TMC3: variants seen among roughly 807,000 people sequenced by gnomAD.
The protein encoded by TMC3 is transmembrane channel-like protein 3.
Under a neutral mutation model 110.6 loss-of-function variants are expected in TMC3, and 98 were observed. The ratio of observed to expected loss-of-function variants is 0.89; its 90% CI spans 0.75 to 1.05. TMC3 has a LOEUF of 1.05. Among genes scored for constraint, TMC3 ranks in the 50% least tolerant of loss-of-function variants. The pLI is 0.00. For synonymous variants in TMC3, 489 were observed against 513.1 expected (o/e 0.95, Z 0.63); for missense variants, 1,319 against 1,373.2 (o/e 0.96, Z 0.62).
At chr15:81,338,922 G>A in intron 17 of TMC3, 142 bp from the exon 18 acceptor site, 1 of 891,778 alleles carries the variant, frequency 1.1e-6, no homozygotes, top group Admixed American at 2.2e-5. Context: ...ATGGAGGATG[G>A]AAGATGGGGT....
At chr15:81,363,832 C>A (rs1313295868) in intron 3 of TMC3, among the ~76,000 whole-genome samples, 2 of 152,258 alleles carry the variant, frequency 1.3e-5, no homozygotes, top group East Asian at 3.9e-4. Flanking sequence ...CATTTATTCC[C>A]CCAGTATCCC....
At chr15:81,363,914 A>G (rs1244237619) in intron 3 of TMC3, among the ~76,000 whole-genome samples, 2 of 152,194 alleles carry the variant, frequency 1.3e-5, no homozygotes, top group African/African-American at 2.4e-5. Context: ...GGCCCGTTTT[A>G]AAGCCCTGAA....
Position 81,332,870 on chromosome 15 carries a change from C to T in TMC3, c.2852G>A (p.Arg951Lys), listed in dbSNP as rs1315969653. Residue 951 changes from arginine (R) to lysine (K), a missense_variant, in exon 22 of 22, where the codon AGA becomes AAA. Coordinates refer to ENST00000359440, the MANE Select transcript of TMC3 (RefSeq NM_001080532.3). ...GGGAAGAGACCGTTTGATCCAATCT[C>T]TGCTTGGCGTCTCCTCCTCTTCTTC... ...LSEEEEETPS[R>K]DWIKRSLPPR... 6.2e-7 allele frequency: 1 copy of T among 1,613,370 alleles called. No homozygotes were observed. Among genetic ancestry groups the T allele is most frequent in the Non-Finnish European group, 8.5e-7 (1 of 1,179,892 alleles).
chr15:81,344,122 T>A, intron 13 of TMC3, 77 bp from the exon 14 acceptor site: 2 of 1,505,454 alleles, frequency 1.3e-6, no homozygotes, highest in East Asian at 2.4e-5. Context: ...GTGCTCCTAA[T>A]CTCTGTTCAT....
At chr15:81,361,530 AT>A (rs201803343) in intron 4 of TMC3, among the ~76,000 whole-genome samples, 1 of 151,940 alleles carries the variant, frequency 6.6e-6, no homozygotes, top group African/African-American at 2.4e-5. Flanking sequence ...CTTCTTTATA[AT>A]TTTTTTATTA....
chr15:81,336,579 A>C, intron 20 of TMC3, 30 bp downstream of exon 20: 1 of 1,612,022 alleles, frequency 6.2e-7, no homozygotes, highest in Non-Finnish European at 8.5e-7. Context: ...AAACAAAAAA[A>C]CAACAACAAA....
intron 11 of TMC3, among the ~76,000 whole-genome samples, chr15:81,347,114 A>T (rs1464675829): frequency 6.6e-6 from 1 of 152,202 alleles, no homozygotes; most frequent in Non-Finnish European, 1.5e-5. Context: ...TTTTGGAAAC[A>T]CATCATGGAA....
At chr15:81,339,631 G>C (rs186489802) in intron 16 of TMC3, 127 bp from the exon 17 acceptor site, 47 of 698,044 alleles carry the variant, frequency 6.7e-5, no homozygotes, top group African/African-American at 6.1e-4. Context: ...CCTCCTCTCA[G>C]GGTTACCTAC....
At chr15:81,338,022 C>T in intron 18 of TMC3, 98 bp from the exon 19 acceptor site, 1 of 959,052 alleles carries the variant, frequency 1.0e-6, no homozygotes. Flanking sequence ...ATGAGAGGCT[C>T]CCAGGCCAGA....
chr15:81,339,652 G>T, intron 16 of TMC3, 148 bp from the exon 17 acceptor site: 1 of 643,630 alleles, frequency 1.6e-6, no homozygotes, highest in South Asian at 1.8e-5. Context: ...AAATGGATCT[G>T]TCATAGGGTC....
intron 17 of TMC3, 99 bp downstream of exon 17, chr15:81,339,295 T>G: frequency 1.1e-6 from 1 of 936,902 alleles, no homozygotes; most frequent in Non-Finnish European, 1.7e-6. Flanking sequence ...TTCTATCCTG[T>G]TTACCTGCTC....
At chr15:81,336,796 T>C (rs1053508905) in intron 19 of TMC3, 145 bp from the exon 20 acceptor site, 170 of 825,510 alleles carry the variant, frequency 2.1e-4, no homozygotes, top group Middle Eastern at 2.4e-4. Flanking sequence ...CTATGGACGG[T>C]ATGCTCTGGG....
At chr15:81,339,905 T>C (rs1487342746) in intron 16 of TMC3, among the ~76,000 whole-genome samples, 1 of 152,238 alleles carries the variant, frequency 6.6e-6, no homozygotes, top group African/African-American at 2.4e-5. Context: ...AGGCTTGAAC[T>C]TGTCTCTTAC....
Position 81,349,297 on chromosome 15 carries a change from T to C in TMC3, c.1193+161A>G, listed in dbSNP as rs1179806409. On this transcript the variant is annotated intron_variant, in intron 11 of 21. Coordinates refer to ENST00000359440, the MANE Select transcript of TMC3 (RefSeq NM_001080532.3). Reference sequence around the variant, plus strand: ...CCCCTGCCTCCTCCCCTATCCCTCCTCTTGGGTTATGCTTTTCTTGAGTTG... The same window carrying C: ...CCCCTGCCTCCTCCCCTATCCCTCCCCTTGGGTTATGCTTTTCTTGAGTTG... Among the ~76,000 whole-genome samples, 4 of 151,896 alleles carry C rather than the reference T, an allele frequency of 2.6e-5. No individual in the cohort carries two copies. In the East Asian group the frequency reaches 7.8e-4, roughly 30 times the overall value.
chr15:81,353,312 TTTA>T (rs1893991997), intron 9 of TMC3, among the ~76,000 whole-genome samples: 1 of 152,246 alleles, frequency 6.6e-6, no homozygotes, highest in African/African-American at 2.4e-5. Flanking sequence ...CTAAGATTAA[TTTA>T]TTATTAAAGA....
chr15:81,364,868 A>C (rs2141422456), intron 3 of TMC3, among the ~76,000 whole-genome samples: 1 of 151,776 alleles, frequency 6.6e-6, no homozygotes, highest in East Asian at 1.9e-4. Flanking sequence ...CATATATAGG[A>C]ATATGCTGAT....
intron 3 of TMC3, among the ~76,000 whole-genome samples, chr15:81,364,708 A>AT (rs1555429398): frequency 3.4e-4 from 39 of 114,322 alleles, no homozygotes; most frequent in African/African-American, 1.4e-3. Flanking sequence ...TCCAAAAAAA[A>AT]AAAAATAAAA....
At chr15:81,370,898 C>T (rs1315455774) in intron 2 of TMC3, among the ~76,000 whole-genome samples, 1 of 152,126 alleles carries the variant, frequency 6.6e-6, no homozygotes, top group East Asian at 1.9e-4. Flanking sequence ...GGGTCTCGAT[C>T]TCCTGACCTT....
Position 81,351,759 on chromosome 15 carries a change from C to A in TMC3, c.1018G>T (p.Val340Leu). 1 of 1,598,714 alleles carries A rather than the reference C, an allele frequency of 6.3e-7. No individual in the cohort carries two copies. The highest frequency in any genetic ancestry group is 8.5e-7 in the Non-Finnish European group (1 of 1,172,698). ...TCCAGCTTCTGGGACCGGTCCACCA[C>A]AAAGTAGATGAGATAAATGCTCCCA... ...LAGSIYLIYF[V>L]VDRSQKLEQS... Residue 340 changes from valine (V) to leucine (L), a missense_variant, in exon 10 of 22, where the codon GTG becomes TTG. Coordinates refer to ENST00000359440, the MANE Select transcript of TMC3 (RefSeq NM_001080532.3).
Sources: gnomAD v4.1 joint callset for allele counts (sites outside exome capture counted in the v4.1 genomes callset) on GRCh38, gnomAD v4.1.1 for gene constraint, MANE v1.5 for transcripts, NCBI Gene and HGNC (gene_info 2026-07-23, HGNC 2026-07-21) for gene names.